The following PRUNE2 variants were observed in gnomAD, a reference collection of about 807,000 sequenced individuals.
PRUNE2 encodes the protein prune homolog 2 with BCH domain, also known as protein prune homolog 2.
Under a neutral mutation model 252.0 loss-of-function variants are expected in PRUNE2, and 164 were observed. The ratio of observed to expected loss-of-function variants is 0.65; its 90% CI spans 0.57 to 0.74. The LOEUF (loss-of-function observed/expected upper bound fraction) is 0.74. Ranked by LOEUF, PRUNE2 falls within the 30% of genes least tolerant of loss-of-function variation. PRUNE2 has a pLI of 0.00. For synonymous variants in PRUNE2, 1,292 were observed against 1,350.2 expected, an observed-to-expected ratio of 0.96 and a Z score of 0.94; for missense variants, 3,495 against 3,711.0, an observed-to-expected ratio of 0.94 and a Z score of 1.51.
intron 1 of PRUNE2, among the ~76,000 whole-genome samples, chr9:76,857,540 G>A (rs1366318206): frequency 6.6e-6 from 1 of 152,122 alleles, no homozygotes; most frequent in Non-Finnish European, 1.5e-5. Context: ...GTTCCTAAGT[G>A]CCCAATTCCT....
At chr9:76,882,247 A>T (rs2061832354) in intron 1 of PRUNE2, among the ~76,000 whole-genome samples, 1 of 152,162 alleles carries the variant, frequency 6.6e-6, no homozygotes, top group South Asian at 2.1e-4. Flanking sequence ...TGAAAAAATT[A>T]TGAGGCAACT....
chr9:76,858,128 T>G (rs758093121), intron 1 of PRUNE2, among the ~76,000 whole-genome samples: 3 of 152,244 alleles, frequency 2.0e-5, no homozygotes, highest in Non-Finnish European at 4.4e-5. Context: ...TTCATCAATT[T>G]GATTTACTAT....
chr9:76,873,357 T>C lies in PRUNE2; in HGVS notation c.37-19149A>G, dbSNP rs142847748. 9.7e-3 allele frequency among the ~76,000 whole-genome samples: 1,476 copies of C among 152,278 alleles called. 24 individuals are homozygous for C. Among genetic ancestry groups the C allele is most frequent in the African/African-American group, 0.034 (1,400 of 41,546 alleles). ...AAGTTTTTTTAAAAGAAGCCTTGTATATAGTCTCAGAAATATTAATAATTC... is the reference window on the plus strand; with the variant it reads ...AAGTTTTTTTAAAAGAAGCCTTGTACATAGTCTCAGAAATATTAATAATTC... On this transcript the variant is annotated intron_variant, in intron 1 of 18. Transcript: ENST00000376718.
rs10664396 is a variant in PRUNE2 at position 76,892,063 on chromosome 9, G to GCCC, written c.36+13862_36+13864dup. On this transcript the variant is annotated intron_variant, in intron 1 of 18. Coordinates refer to ENST00000376718, the MANE Select transcript of PRUNE2 (RefSeq NM_015225.3). ...GAAGTGAAAAGACAAAGAGAAAGTA[G>GCCC]CCCCCCCAGCCAGATTCTACCTACT... Among the ~76,000 whole-genome samples, 213 of 151,790 alleles carry GCCC rather than the reference G, an allele frequency of 1.4e-3. 2 individuals carry two copies. The highest frequency in any genetic ancestry group is 3.4e-3 in the Middle Eastern group (1 of 294).
chr9:76,642,004 A>G (rs1298355267), intron 12 of PRUNE2: 1 of 1,172,700 alleles, frequency 8.5e-7, no homozygotes, highest in Admixed American at 3.0e-5. Context: ...AGAGAAGTAA[A>G]AAAAAAAAAA....
Position 76,708,825 on chromosome 9 carries a change from T to A in PRUNE2, c.3449A>T (p.Asp1150Val). ...DCSGGAAIPS[D>V]GQTEGYMAEG... is the part of the protein sequence containing the mutation. Reference sequence around the variant, plus strand: ...AGCCATGTATCCTTCTGTTTGACCATCACTGGGGATTGCCGCACCCCCACT... The same window carrying A: ...AGCCATGTATCCTTCTGTTTGACCAACACTGGGGATTGCCGCACCCCCACT... The change falls in exon 8 of 19, where the codon GAT becomes GTT. Residue 1150 changes from aspartate to valine, a missense_variant. Transcript: ENST00000376718. 1 of 1,613,922 alleles carries A rather than the reference T, an allele frequency of 6.2e-7. No individual in the cohort carries two copies. The highest frequency in any genetic ancestry group is 8.5e-7 in the Non-Finnish European group (1 of 1,179,892).
In PRUNE2 at chr9:76,614,590, T is replaced by C. The variant is rs778516487; in HGVS notation, c.9247A>G (p.Lys3083Glu). 5 of 1,611,956 alleles carry C rather than the reference T, an allele frequency of 3.1e-6. No homozygotes were observed. Among genetic ancestry groups the C allele is most frequent in the Non-Finnish European group, 3.4e-6 (4 of 1,178,576 alleles). Residue 3083 changes from lysine (K) to glutamate (E), a missense_variant, in exon 19 of 19, where the codon AAG becomes GAG. Lys to Glu is a moderately conservative substitution (Grantham distance 56, BLOSUM62 1). Coordinates refer to ENST00000376718, the MANE Select transcript of PRUNE2 (RefSeq NM_015225.3). ...MSSMEKDIDL[K>E]LKEKP ...GCCAACTAAGGCTTTTCTTTCAGCT[T>C]CAAGTCAATACTGCAAAGAAAAGAA...
At chr9:76,806,742 T>G (rs1450793211) in intron 6 of PRUNE2, among the ~76,000 whole-genome samples, 1 of 150,216 alleles carries the variant, frequency 6.7e-6, no homozygotes, top group African/African-American at 2.5e-5. Context: ...ATGGTCTCAA[T>G]CTCCTGACCT....
At chr9:76,625,115 G>A (rs755862742) in intron 16 of PRUNE2, 5 of 1,173,492 alleles carry the variant, frequency 4.3e-6, no homozygotes, top group Non-Finnish European at 5.7e-6. Flanking sequence ...TGGGAAAAAT[G>A]ACAAGTAAAT....
At chr9:76,654,606 A>C (rs1171874089) in intron 10 of PRUNE2, among the ~76,000 whole-genome samples, 2 of 152,254 alleles carry the variant, frequency 1.3e-5, no homozygotes, top group East Asian at 3.8e-4. Flanking sequence ...AAATAGCCAC[A>C]TGTGACTAGC....
chr9:76,707,648 A>G lies in PRUNE2; in HGVS notation c.4626T>C (p.His1542=), dbSNP rs1442754205. The change falls in exon 8 of 19, where the codon CAT becomes CAC. Residue 1542 remains histidine (H), a synonymous_variant. Transcript: ENST00000376718. ...TTAACTCAGGACTTGATGCACTTGA[A>G]TGAGTATACTCACTAGAAATAGTAT... is the stretch of plus-strand genomic sequence containing the variant. The part of the protein sequence containing the change: ...DRDTISSEYT[H]SSASSPELND... 1 of 1,613,906 alleles carries G rather than the reference A, an allele frequency of 6.2e-7. No homozygotes were observed. Among genetic ancestry groups the G allele is most frequent in the Non-Finnish European group, 8.5e-7 (1 of 1,179,854 alleles).
At chr9:76,767,722 G>A (rs929787564) in intron 6 of PRUNE2, among the ~76,000 whole-genome samples, 2 of 152,020 alleles carry the variant, frequency 1.3e-5, no homozygotes, top group African/African-American at 2.4e-5. Flanking sequence ...TGCATCTCTC[G>A]TGAATCTTTA....
At chr9:76,869,230 G>C (rs1333111446) in intron 1 of PRUNE2, 1 of 152,262 alleles carries the variant, frequency 6.6e-6, no homozygotes, top group Non-Finnish European at 1.5e-5. Flanking sequence ...AACCCACTCA[G>C]ACATGGCAGT....
Position 76,706,639 on chromosome 9 carries a change from C to A in PRUNE2, c.5635G>T (p.Val1879Leu), listed in dbSNP as rs146002268. 57 of 1,613,918 alleles carry A rather than the reference C, an allele frequency of 3.5e-5. No homozygotes were observed. Among genetic ancestry groups the A allele is most frequent in the East Asian group, 2.7e-4 (12 of 44,868 alleles). ...AAAGGATTAGTATAGTGTGTTTCCACGGGCTCAATATCACCCTGAACTGGT... is the reference window on the plus strand; with the variant it reads ...AAAGGATTAGTATAGTGTGTTTCCAAGGGCTCAATATCACCCTGAACTGGT... The part of the protein sequence containing the change: ...GVPVQGDIEP[V>L]ETHYTNPFSD... The change falls in exon 8 of 19, where the codon GTG (valine) becomes TTG (leucine). Residue 1879 changes from valine (V) to leucine (L), a missense_variant. By Grantham distance (32) the Val-to-Leu change is conservative (BLOSUM62 1). Coordinates refer to ENST00000376718, the MANE Select transcript of PRUNE2 (RefSeq NM_015225.3).
chr9:76,673,752 A>G (rs1393726808), intron 9 of PRUNE2, among the ~76,000 whole-genome samples: 187 of 149,026 alleles, frequency 1.3e-3, no homozygotes, highest in African/African-American at 4.4e-3. Flanking sequence ...GGTTCAATAT[A>G]CGCAAATCAA....
At chr9:76,615,507 A>G (rs1443447794) in intron 18 of PRUNE2, among the ~76,000 whole-genome samples, 1 of 152,174 alleles carries the variant, frequency 6.6e-6, no homozygotes, top group Admixed American at 6.5e-5. Context: ...CATCCAGTTT[A>G]CAGTAGTAAA....
intron 9 of PRUNE2, among the ~76,000 whole-genome samples, chr9:76,667,950 T>C (rs531556367): frequency 2.6e-4 from 40 of 152,340 alleles, no homozygotes; most frequent in Middle Eastern, 6.8e-3. Flanking sequence ...GGATTGGGCT[T>C]GGTGGGTAGC....
chr9:76,612,507 T>C lies in PRUNE2; in HGVS notation c.*2063A>G, dbSNP rs1827749925. On this transcript the variant is annotated 3_prime_UTR_variant, in exon 19 of 19. Coordinates refer to ENST00000376718, the MANE Select transcript of PRUNE2 (RefSeq NM_015225.3). ...CAAATAGGTGAACAAACAGGAATAT[T>C]GGGTAACTGTATTTACGTCAACACT... 1 of 152,042 alleles carries C rather than the reference T, an allele frequency of 6.6e-6. No individual in the cohort carries two copies. Among genetic ancestry groups the C allele is most frequent in the Non-Finnish European group, 1.5e-5 (1 of 68,016 alleles). 9.4% of individuals were successfully genotyped at this position (152,042 alleles called of 1,614,324 possible).
chr9:76,777,154 A>G (rs560369494), intron 6 of PRUNE2, among the ~76,000 whole-genome samples: 1 of 152,218 alleles, frequency 6.6e-6, no homozygotes, highest in African/African-American at 2.4e-5. Flanking sequence ...GGGAGGGCAG[A>G]GAAGGGAAGA....
Sources: allele counts gnomAD v4.1 joint callset (sites outside exome capture counted in the v4.1 genomes callset), GRCh38; gene constraint gnomAD v4.1.1; transcripts MANE v1.5; gene names NCBI Gene and HGNC (gene_info 2026-07-23, HGNC 2026-07-21).